The following ZNF676 variants were observed in gnomAD, a reference collection of about 807,000 sequenced individuals.
The protein encoded by ZNF676 is zinc finger protein 676.
ZNF676 carries 4 observed loss-of-function variants against 6.0 expected under a neutral mutation model. The observed-to-expected ratio is 0.67, with a 90% confidence interval of 0.33 to 1.53. The LOEUF (loss-of-function observed/expected upper bound fraction) is 1.53. Ranked by LOEUF, ZNF676 falls within the 40% of genes most tolerant of loss-of-function variation. ZNF676 has a pLI of 0.06. For missense variants in ZNF676, 644 were observed against 679.7 expected, an observed-to-expected ratio of 0.95 and a Z score of 0.58; for synonymous variants, 198 against 223.1, an observed-to-expected ratio of 0.89 and a Z score of 1.00.
intron 1 of ZNF676, among the ~76,000 whole-genome samples, chr19:22,214,123 A>C (rs1465773741): frequency 6.6e-6 from 1 of 152,226 alleles, no homozygotes; most frequent in Non-Finnish European, 1.5e-5. Context: ...TGGGAATGTC[A>C]GAAGGAACTG....
chr19:22,227,536 C>T, the ZNF676 span, among the ~76,000 whole-genome samples: 2 of 152,168 alleles, frequency 1.3e-5, no homozygotes, highest in African/African-American at 4.8e-5. Flanking sequence ...GAGATAGAGA[C>T]ACAAAACACC....
upstream of ZNF676, among the ~76,000 whole-genome samples, chr19:22,198,484 A>G (rs1257873776): frequency 6.6e-6 from 1 of 152,210 alleles, no homozygotes; most frequent in African/African-American, 2.4e-5. Context: ...AATAGTGGAC[A>G]CAGATCTTGA....
chr19:22,227,630 G>C, the ZNF676 span, among the ~76,000 whole-genome samples: 10 of 151,960 alleles, frequency 6.6e-5, no homozygotes, highest in Non-Finnish European at 1.5e-5. Context: ...TAATAAAGAA[G>C]AAAAGAGAGA....
the ZNF676 span, among the ~76,000 whole-genome samples, chr19:22,239,159 G>A: frequency 6.6e-6 from 1 of 151,848 alleles, no homozygotes; most frequent in East Asian, 1.9e-4. Flanking sequence ...TCTACCTGTG[G>A]GCAGATTCAC....
At chr19:22,255,148 C>T in the ZNF676 span, among the ~76,000 whole-genome samples, 1 of 152,294 alleles carries the variant, frequency 6.6e-6, no homozygotes, top group East Asian at 1.9e-4. Context: ...GAGTCAGAGG[C>T]TCACAGGTGT....
chr19:22,252,106 C>T, the ZNF676 span, among the ~76,000 whole-genome samples: 31,521 of 151,866 alleles, frequency 0.21, 3,789 homozygotes, highest in South Asian at 0.37. Flanking sequence ...TTGATGCTTT[C>T]TCACCTGGCT....
Position 22,208,845 on chromosome 19 carries a change from T to C in ZNF676, c.3+6787A>G, listed in dbSNP as rs1017751509. Among the ~76,000 whole-genome samples the C allele has an allele frequency of 1.2e-4, 18 of 152,012 alleles. 1 individual carries two copies. The highest frequency in any genetic ancestry group is 1.2e-3 in the Admixed American group (18 of 15,246). On this transcript the variant is annotated intron_variant, in intron 1 of 3. Transcript: ENST00000650058. ...GTCTTAGCTACTTGAGAAGCTTAGA[T>C]AGAAGAGGATTGTTTGAGCCTGAGT...
At chr19:22,183,307 C>A (rs1456791581) in intron 2 of ZNF676, among the ~76,000 whole-genome samples, 1 of 152,114 alleles carries the variant, frequency 6.6e-6, no homozygotes, top group African/African-American at 2.4e-5. Flanking sequence ...GGAAAATTAA[C>A]TTTCAAATCA....
chr19:22,242,636 T>G, the ZNF676 span, among the ~76,000 whole-genome samples: 4 of 151,892 alleles, frequency 2.6e-5, 1 homozygote, highest in African/African-American at 9.7e-5. Context: ...CTTGGACAGA[T>G]CCCAAGAGAT....
upstream of ZNF676, among the ~76,000 whole-genome samples, chr19:22,217,986 G>A (rs2144847388): frequency 6.6e-6 from 1 of 152,062 alleles, no homozygotes; most frequent in African/African-American, 2.4e-5. Flanking sequence ...TTACAGGCAT[G>A]AGCCACCATG....
chr19:22,215,593 C>T (rs2024176165), intron 1 of ZNF676: 4 of 1,608,620 alleles, frequency 2.5e-6, no homozygotes, highest in Non-Finnish European at 2.5e-6. Context: ...CCAACCAGCC[C>T]AGGCCACTCT....
chr19:22,184,935 C>T (rs1353195785), intron 2 of ZNF676, among the ~76,000 whole-genome samples: 1 of 151,368 alleles, frequency 6.6e-6, no homozygotes. Context: ...CAGCTGGGAG[C>T]ACAGCTTCAG....
chr19:22,234,537 C>G, the ZNF676 span, among the ~76,000 whole-genome samples: 1 of 152,316 alleles, frequency 6.6e-6, no homozygotes. Context: ...CTTGATAAAA[C>G]ATAGTCAAAC....
chr19:22,215,040 CAA>C (rs1159376851), intron 1 of ZNF676, among the ~76,000 whole-genome samples: 1 of 51,454 alleles, frequency 1.9e-5, no homozygotes, highest in Non-Finnish European at 3.6e-5. Flanking sequence ...GACTCCATCT[CAA>C]AAAAAAAAAA....
intron 1 of ZNF676, among the ~76,000 whole-genome samples, chr19:22,211,724 T>C (rs1448573482): frequency 6.6e-6 from 1 of 152,144 alleles, no homozygotes; most frequent in Admixed American, 6.5e-5. Context: ...TTTGCAAATT[T>C]ACCCTGCAAA....
In ZNF676 at chr19:22,180,112, A is replaced by C; in HGVS notation, c.1605T>G (p.Cys535Trp). ...IIHTGEKPYK[C>W]EECGKAFSRS... ...TGCTGAAGGCTTTGCCACATTCTTCACATTTGTAGGGTTTCTCTCCAGTAT... is the reference window on the plus strand; with the variant it reads ...TGCTGAAGGCTTTGCCACATTCTTCCCATTTGTAGGGTTTCTCTCCAGTAT... The change falls in exon 3 of 3, where the codon TGT becomes TGG. Residue 535 changes from cysteine (C) to tryptophan (W), a missense_variant. Physicochemically the swap from Cys to Trp is radical, Grantham distance 215. Transcript: ENST00000397121. The C allele has an allele frequency of 1.2e-6, 2 of 1,613,644 alleles. No homozygotes were observed. The highest frequency in any genetic ancestry group is 1.7e-6 in the Non-Finnish European group (2 of 1,179,898).
the ZNF676 span, among the ~76,000 whole-genome samples, chr19:22,247,261 C>T: frequency 6.6e-6 from 1 of 152,044 alleles, no homozygotes; most frequent in Non-Finnish European, 1.5e-5. Flanking sequence ...GGTTCAAGTC[C>T]TTTCTAAGAT....
In ZNF676 at chr19:22,180,160, G is replaced by A; in HGVS notation, c.1557C>T (p.Ile519=). The A allele has an allele frequency of 6.2e-7, 1 of 1,613,388 alleles. No individual in the cohort carries two copies. The highest frequency in any genetic ancestry group is 8.5e-7 in the Non-Finnish European group (1 of 1,179,866). The change falls in exon 3 of 3, where the codon ATC becomes ATT. Residue 519 remains isoleucine, a synonymous_variant. Transcript: ENST00000397121. ...ECGKAFSWSS[I]LTEHKIIHTG... Reference sequence around the variant, plus strand: ...TATGAATTATCTTATGTTCAGTAAGGATCGAGGACCAGCTGAAGGCTTTGC... The same window carrying A: ...TATGAATTATCTTATGTTCAGTAAGAATCGAGGACCAGCTGAAGGCTTTGC...
chr19:22,227,391 G>T, the ZNF676 span, among the ~76,000 whole-genome samples: 1 of 152,268 alleles, frequency 6.6e-6, no homozygotes, highest in South Asian at 2.1e-4. Context: ...AGCACTAAAT[G>T]CTCACAAGAG....
Sources: allele counts gnomAD v4.1 joint callset (sites outside exome capture counted in the v4.1 genomes callset), GRCh38; gene constraint gnomAD v4.1.1; transcripts MANE v1.5; gene names NCBI Gene and HGNC (gene_info 2026-07-23, HGNC 2026-07-21).